MAP7D2: variants seen among roughly 807,000 people sequenced by gnomAD.
MAP7D2 encodes MAP7 domain containing 2.
Under a neutral mutation model 63.5 loss-of-function variants are expected in MAP7D2, and 33 were observed. That is an observed-to-expected ratio of 0.52 (90% CI 0.39 to 0.70). The LOEUF is 0.70. Among genes scored for constraint, MAP7D2 ranks in the 30% least tolerant of loss-of-function variants. MAP7D2 has a pLI of 0.00. For synonymous variants in MAP7D2, 224 were observed against 223.7 expected (o/e 1.00, Z -0.01); for missense variants, 626 against 604.0 (o/e 1.04, Z -0.38).
intron 7 of MAP7D2, 103 bp from the exon 8 acceptor site, chrX:20,042,732 G>T: frequency 3.0e-6 from 3 of 1,002,854 alleles, no homozygotes; most frequent in Non-Finnish European, 4.1e-6. Context: ...CTTTCAGAGG[G>T]ATCGATATGA....
intron 1 of MAP7D2, among the ~76,000 whole-genome samples, chrX:20,076,381 G>A (rs2065642233): frequency 9.0e-6 from 1 of 111,699 alleles, no homozygotes; most frequent in Non-Finnish European, 1.9e-5. Flanking sequence ...TAGGATGAAG[G>A]TATAGACATC....
Position 20,025,685 on chromosome X carries a change from G to A in MAP7D2, c.1275C>T (p.Ser425=), listed in dbSNP as rs768361348. 6.6e-6 allele frequency: 8 copies of A among 1,209,902 alleles called. No individual in the cohort carries two copies. Among genetic ancestry groups the A allele is most frequent in the Admixed American group, 6.5e-5 (3 of 45,818 alleles). Residue 425 remains serine, a synonymous_variant, in exon 9 of 17, where the codon AGC becomes AGT. Coordinates refer to ENST00000379643, the MANE Select transcript of MAP7D2 (RefSeq NM_001168465.2). The part of the protein sequence containing the change: ...AAAAGGKAEN[S]AALGKPTAGT... ...AGGCACGGTGGCAGCATCTACCTGC[G>A]CTGTTTTCGGCTTTCCCTCCTGCGG...
Position 20,087,879 on chromosome X carries a change from C to CTTTTTTTTT in MAP7D2, c.131-23083_131-23075dup, listed in dbSNP as rs539620594. 2.6e-4 allele frequency among the ~76,000 whole-genome samples: 14 copies of CTTTTTTTTT among 52,851 alleles called. 1 individual carries two copies. Among genetic ancestry groups the CTTTTTTTTT allele is most frequent in the Non-Finnish European group, 3.2e-4 (10 of 31,272 alleles). 45.9% of individuals were successfully genotyped at this position (52,851 alleles called of 115,157 possible). A position where few individuals can be genotyped will look rare whatever the true frequency, so the allele number is the denominator to read the frequency against. On this transcript the variant is annotated intron_variant, in intron 1 of 16. Coordinates refer to ENST00000379643, the MANE Select transcript of MAP7D2 (RefSeq NM_001168465.2). ...ATGGATCCAGCAACTAATTTCTTTT[C>CTTTTTTTTT]TTTTTTTTTTTTTTTTTTTTTTTTT...
intron 10 of MAP7D2, among the ~76,000 whole-genome samples, chrX:20,022,441 G>A (rs1388716858): frequency 9.0e-6 from 1 of 111,108 alleles, no homozygotes; most frequent in Non-Finnish European, 1.9e-5. Flanking sequence ...TGGGCCCAGC[G>A]TGGACAGGGG....
chrX:20,010,923 A>G lies in MAP7D2; in HGVS notation c.2202T>C (p.Thr734=). ...ATCTCTTGGGGAATGTCGGGGGACC[A>G]GTGAAATCTAAGAGATCTTGAAGTG... The part of the protein sequence containing the change: ...ARALQDLLDF[T]GPPTFPKRSS... The change falls in exon 16 of 17, where the codon ACT becomes ACC. Residue 734 remains threonine (T), a synonymous_variant. Transcript: ENST00000379643. 2.5e-6 allele frequency: 3 copies of G among 1,211,577 alleles called. No individual in the cohort carries two copies. Among genetic ancestry groups the G allele is most frequent in the Non-Finnish European group, 3.4e-6 (3 of 895,499 alleles).
At chrX:20,080,208 C>A (rs2065743077) in intron 1 of MAP7D2, among the ~76,000 whole-genome samples, 1 of 110,636 alleles carries the variant, frequency 9.0e-6, no homozygotes, top group South Asian at 3.9e-4. Context: ...GCTCAGGGCT[C>A]CCTAAGGTAA....
At position 20,038,991 on chromosome X, in the gene MAP7D2, C is replaced by T. The variant is rs144020052; in HGVS notation, c.1007+3511G>A. On this transcript the variant is annotated intron_variant, in intron 8 of 16. Coordinates refer to ENST00000379643, the MANE Select transcript of MAP7D2 (RefSeq NM_001168465.2). The stretch of plus-strand genomic sequence containing the variant: ...CTGGCAGGACTACAAATGGCCCAGA[C>T]CCTTCAGGAGTGAAACTTTGGGTCA... Among the ~76,000 whole-genome samples the T allele has an allele frequency of 6.2e-3, 694 of 111,926 alleles. 7 individuals are homozygous for T. Among genetic ancestry groups the T allele is most frequent in the African/African-American group, 0.022 (668 of 30,822 alleles).
In MAP7D2 at chrX:20,056,764, ACCGGCG is replaced by A; in HGVS notation, c.394_399del (p.Arg132_Arg133del). On this transcript the variant is annotated inframe_deletion, in exon 4 of 17. Transcript: ENST00000379643. ...TCCAGCTGCTGTGTGCGCTCCAGGG[ACCGGCG>A]CATCATCGCCTCCAGCCGTTCCTAC... 8.3e-7 allele frequency: 1 copy of A among 1,211,203 alleles called. No homozygotes were observed. Among genetic ancestry groups the A allele is most frequent in the Non-Finnish European group, 1.1e-6 (1 of 895,325 alleles).
At chrX:20,107,699 A>C (rs1428336550) in intron 1 of MAP7D2, among the ~76,000 whole-genome samples, 1 of 111,922 alleles carries the variant, frequency 8.9e-6, no homozygotes, top group Non-Finnish European at 1.9e-5. Context: ...TAGAAAAATT[A>C]AGATTACATA....
intron 8 of MAP7D2, among the ~76,000 whole-genome samples, chrX:20,037,400 A>C (rs1376643285): frequency 8.9e-6 from 1 of 111,740 alleles, no homozygotes; most frequent in Non-Finnish European, 1.9e-5. Flanking sequence ...TCTCTCCCCC[A>C]GCCCGCACCG....
At chrX:20,051,636 T>A (rs1329692546) in intron 5 of MAP7D2, among the ~76,000 whole-genome samples, 1 of 111,819 alleles carries the variant, frequency 8.9e-6, no homozygotes. Flanking sequence ...ATAAAACACT[T>A]GTTTTAGGTC....
intron 1 of MAP7D2, among the ~76,000 whole-genome samples, chrX:20,083,264 AAAC>A (rs1441598933): frequency 3.6e-5 from 4 of 112,402 alleles, no homozygotes; most frequent in Non-Finnish European, 7.5e-5. Flanking sequence ...GTGAAAAGTA[AAAC>A]AACGAGGCCT....
Position 20,050,821 on chromosome X carries a change from T to G in MAP7D2, c.718+3A>C, listed in dbSNP as rs2064927684. On this transcript the variant is annotated splice_donor_region_variant and intron_variant, in intron 6 of 16. Transcript: ENST00000379643. ...TTGGTGTTACCAGCTTAGCCTCTTT[T>G]ACCTGAATCATTGGCCTGCCCAGAG... The G allele has an allele frequency of 8.5e-7, 1 of 1,181,795 alleles. No homozygotes were observed. Among genetic ancestry groups the G allele is most frequent in the African/African-American group, 1.8e-5 (1 of 56,391 alleles).
intron 1 of MAP7D2, among the ~76,000 whole-genome samples, chrX:20,109,653 T>A (rs1171914234): frequency 9.0e-6 from 1 of 111,063 alleles, no homozygotes; most frequent in African/African-American, 3.3e-5. Context: ...ATCTCTCACC[T>A]CTCGCTGAAT....
intron 1 of MAP7D2, among the ~76,000 whole-genome samples, chrX:20,096,180 C>A (rs1290232257): frequency 1.0e-5 from 1 of 96,855 alleles, no homozygotes; most frequent in African/African-American, 3.9e-5. Flanking sequence ...GTAATCCCAA[C>A]AATTTGGGAG....
intron 1 of MAP7D2, among the ~76,000 whole-genome samples, chrX:20,103,101 A>T (rs1407327878): frequency 9.0e-6 from 1 of 111,516 alleles, no homozygotes; most frequent in Non-Finnish European, 1.9e-5. Context: ...CACCAACCTC[A>T]CTTCCTGCCA....
chrX:20,090,311 T>G (rs1377207887), intron 1 of MAP7D2, among the ~76,000 whole-genome samples: 1 of 88,871 alleles, frequency 1.1e-5, no homozygotes, highest in Admixed American at 1.6e-4. Flanking sequence ...CTGGCCAACA[T>G]AGCGAAACCC....
chrX:20,019,885 G>C (rs1475035435), intron 10 of MAP7D2, among the ~76,000 whole-genome samples: 27 of 111,563 alleles, frequency 2.4e-4, no homozygotes, highest in Non-Finnish European at 1.9e-5. Flanking sequence ...GGCTTGGGTG[G>C]TTTCCAGGAC....
Position 20,094,530 on chromosome X carries a change from A to ATG in MAP7D2, c.130+22219_130+22220insCA, listed in dbSNP as rs2066180562. On this transcript the variant is annotated intron_variant, in intron 1 of 16. Coordinates refer to ENST00000379643, the MANE Select transcript of MAP7D2 (RefSeq NM_001168465.2). Reference sequence around the variant, plus strand: ...TATATATATATGTATATATATATATATATATATATATGTATATATATATAT... The same window carrying ATG: ...TATATATATATGTATATATATATATATGTATATATATATGTATATATATATAT... 3.7e-4 allele frequency among the ~76,000 whole-genome samples: 6 copies of ATG among 16,326 alleles called. 1 individual carries two copies. The highest frequency in any genetic ancestry group is 4.3e-4 in the Non-Finnish European group (5 of 11,520). 14.2% of individuals were successfully genotyped at this position (16,326 alleles called of 115,157 possible).
Sources: allele counts gnomAD v4.1 joint callset (sites outside exome capture counted in the v4.1 genomes callset), GRCh38; gene constraint gnomAD v4.1.1; transcripts MANE v1.5; gene names NCBI Gene and HGNC (gene_info 2026-07-23, HGNC 2026-07-21).